Variants in FARP2 observed in about 807,000 individuals in gnomAD.
FARP2 encodes the protein FERM, ARH/RhoGEF and pleckstrin domain protein 2, also known as FERM, ARHGEF and pleckstrin domain-containing protein 2.
Under a neutral mutation model 130.5 loss-of-function variants are expected in FARP2, and 111 were observed. The observed-to-expected ratio is 0.85, with a 90% CI of 0.73 to 1.00. FARP2 has a LOEUF of 1.00. Among genes scored for constraint, FARP2 ranks in the 50% least tolerant of loss-of-function variants. The probability of loss-of-function intolerance (pLI) is 0.00; values close to 1 mark genes in which losing one functional copy is unlikely to be tolerated. For missense variants in FARP2, 1,385 were observed against 1,346.3 expected (o/e 1.03, Z -0.45); for synonymous variants, 504 against 516.9 (o/e 0.98, Z 0.34).
intron 18 of FARP2, among the ~76,000 whole-genome samples, chr2:241,469,731 C>G (rs149058722): frequency 1.5e-4 from 23 of 152,308 alleles, no homozygotes; most frequent in African/African-American, 5.3e-4. Context: ...TGGCCTGGGC[C>G]CGGGCCACCA....
At chr2:241,371,889 ATACT>A (rs1257846589) in intron 1 of FARP2, among the ~76,000 whole-genome samples, 1 of 152,160 alleles carries the variant, frequency 6.6e-6, no homozygotes, top group African/African-American at 2.4e-5. Flanking sequence ...ATTTTAGCTG[ATACT>A]TAATACTAAA....
At chr2:241,489,724 A>AC (rs2064846878) in intron 21 of FARP2, 1 of 414,462 alleles carries the variant, frequency 2.4e-6, no homozygotes, top group South Asian at 4.5e-5. Flanking sequence ...ATAGTGCTGG[A>AC]CCCCCCGGTG....
chr2:241,411,255 T>G (rs762828991), intron 6 of FARP2, 125 bp downstream of exon 6: 4 of 661,572 alleles, frequency 6.0e-6, no homozygotes, highest in Non-Finnish European at 1.1e-5. Context: ...AATGAGGTGT[T>G]TCAACTTCAG....
rs1553723712 is a variant in FARP2, at chr2:241,437,670, A to ATTTTTTATT, written c.1158+1138_1158+1139insATTTTTTTT. Among the ~76,000 whole-genome samples the ATTTTTTATT allele has an allele frequency of 8.3e-5, 11 of 133,122 alleles. 1 individual carries two copies. The Admixed American group carries it at 9.1e-4, about 11-fold the overall frequency. The allele number at this position is 133,122 out of a possible 152,430, so 87.3% of individuals were successfully genotyped here. ...TATATATTTATTTATTTATTTATTT[A>ATTTTTTATT]TTTTTTTTTTTTGAGACGGAGTCTT... On this transcript the variant is annotated intron_variant, in intron 12 of 26. Coordinates refer to ENST00000264042, the MANE Select transcript of FARP2 (RefSeq NM_014808.4).
At chr2:241,438,871 C>T (rs2063314164) in intron 12 of FARP2, among the ~76,000 whole-genome samples, 1 of 152,024 alleles carries the variant, frequency 6.6e-6, no homozygotes, top group East Asian at 1.9e-4. Context: ...ACCCCATGAT[C>T]CACCTGCTCA....
intron 22 of FARP2, among the ~76,000 whole-genome samples, chr2:241,490,443 CCCAGCCCAG>C (rs57021149): frequency 0.2 from 29,714 of 152,050 alleles, 3,248 homozygotes; most frequent in East Asian, 0.4. Flanking sequence ...GCAGCTTACA[CCCAGCCCAG>C]CCAAACACTG....
chr2:241,443,077 C>G (rs533241049), intron 13 of FARP2: 1 of 238,586 alleles, frequency 4.2e-6, no homozygotes, highest in Admixed American at 5.2e-5. Context: ...TGGTCAAACT[C>G]GTGGGACTCT....
chr2:241,373,439 A>T (rs1448748781), intron 2 of FARP2, 149 bp downstream of exon 2: 1 of 463,128 alleles, frequency 2.2e-6, no homozygotes, highest in Non-Finnish European at 3.7e-6. Flanking sequence ...AGAAACAGTA[A>T]ATCTGAATTT....
chr2:241,399,445 C>T (rs1424347730), intron 2 of FARP2, among the ~76,000 whole-genome samples: 3 of 152,182 alleles, frequency 2.0e-5, no homozygotes, highest in Non-Finnish European at 4.4e-5. Flanking sequence ...GCTGGAACTA[C>T]AGGCACACGC....
chr2:241,402,656 C>T (rs2062198829), intron 2 of FARP2, among the ~76,000 whole-genome samples: 1 of 150,510 alleles, frequency 6.6e-6, no homozygotes, highest in Admixed American at 6.6e-5. Flanking sequence ...CAATAAAACT[C>T]TATTTCCATT....
intron 12 of FARP2, among the ~76,000 whole-genome samples, chr2:241,438,725 G>T (rs1212241857): frequency 6.6e-6 from 1 of 151,410 alleles, no homozygotes; most frequent in Non-Finnish European, 1.5e-5. Flanking sequence ...CGCCTCCCGG[G>T]TTCACGCCAT....
chr2:241,491,469 A>G (rs376519040), intron 23 of FARP2, 47 bp from the exon 24 acceptor site: 4 of 1,605,892 alleles, frequency 2.5e-6, no homozygotes, highest in Admixed American at 3.3e-5. Flanking sequence ...TTTGGCAAGC[A>G]GAGGCCACAG....
intron 2 of FARP2, among the ~76,000 whole-genome samples, chr2:241,375,214 G>C (rs1391117616): frequency 6.6e-6 from 1 of 152,140 alleles, no homozygotes; most frequent in Non-Finnish European, 1.5e-5. Context: ...GCCTCCCAAA[G>C]TGCTGGAATT....
intron 14 of FARP2, among the ~76,000 whole-genome samples, chr2:241,458,560 G>A (rs1290824331): frequency 2.0e-5 from 3 of 152,178 alleles, no homozygotes; most frequent in East Asian, 3.9e-4. Context: ...ACTGCTGCAC[G>A]AGGCCTGCAA....
At chr2:241,470,792 T>A in intron 18 of FARP2, among the ~76,000 whole-genome samples, 1 of 148,738 alleles carries the variant, frequency 6.7e-6, no homozygotes, top group East Asian at 2.1e-4. Flanking sequence ...ACCCTGTTCT[T>A]AGGAGGATAC....
intron 11 of FARP2, 152 bp downstream of exon 11, chr2:241,435,182 C>T: frequency 2.0e-6 from 1 of 492,446 alleles, no homozygotes; most frequent in Non-Finnish European, 3.6e-6. Context: ...CAGCTTCAGA[C>T]TCCTGGGCTC....
intron 13 of FARP2, among the ~76,000 whole-genome samples, chr2:241,448,407 G>A (rs73118207): frequency 3.3e-5 from 5 of 152,354 alleles, no homozygotes; most frequent in African/African-American, 1.2e-4. Context: ...AAATATGTCA[G>A]TTCAGATTAT....
intron 1 of FARP2, among the ~76,000 whole-genome samples, chr2:241,368,223 T>G (rs2061354810): frequency 6.6e-6 from 1 of 152,066 alleles, no homozygotes; most frequent in South Asian, 2.1e-4. Flanking sequence ...ACCAGAAATG[T>G]TTTTAGGAAT....
intron 19 of FARP2, among the ~76,000 whole-genome samples, chr2:241,477,192 C>T (rs979561499): frequency 4.0e-5 from 6 of 148,980 alleles, no homozygotes; most frequent in Admixed American, 1.4e-4. Flanking sequence ...TGCAGTGCCG[C>T]GATCTTGGCT....
Sources: gnomAD v4.1 joint callset for allele counts (sites outside exome capture counted in the v4.1 genomes callset) on GRCh38, gnomAD v4.1.1 for gene constraint, MANE v1.5 for transcripts, NCBI Gene and HGNC (gene_info 2026-07-23, HGNC 2026-07-21) for gene names.